Variants in ZMAT4 observed in about 807,000 individuals in gnomAD.
The protein encoded by ZMAT4 is zinc finger matrin-type 4.
A neutral mutation model predicts 28.7 loss-of-function variants in ZMAT4; 17 were observed. The ratio of observed to expected loss-of-function variants is 0.59; its 90% confidence interval spans 0.41 to 0.89. The LOEUF (loss-of-function observed/expected upper bound fraction) is 0.89. Among genes scored for constraint, ZMAT4 ranks in the 40% least tolerant of loss-of-function variants. The pLI is 0.00. For missense variants in ZMAT4, 240 were observed against 283.8 expected, an observed-to-expected ratio of 0.85 and a Z score of 1.11; for synonymous variants, 117 against 109.2, an observed-to-expected ratio of 1.07 and a Z score of -0.44.
chr8:40,626,307 T>A lies in ZMAT4; in HGVS notation c.578-45046A>T, dbSNP rs1340677160. Among the ~76,000 whole-genome samples the A allele has an allele frequency of 2.0e-5, 3 of 152,094 alleles. No homozygotes were observed. The East Asian group carries it at 5.8e-4, about 29-fold the overall frequency. Reference sequence around the variant, plus strand: ...TAGTGAGGAGAAAACCAGCTAAGTGTGGCATCTCAGAAACCAATAGGAAAT... The same window carrying A: ...TAGTGAGGAGAAAACCAGCTAAGTGAGGCATCTCAGAAACCAATAGGAAAT... On this transcript the variant is annotated intron_variant, in intron 5 of 6. Transcript: ENST00000297737.
intron 1 of ZMAT4, among the ~76,000 whole-genome samples, chr8:40,864,821 A>C (rs575199397): frequency 1.3e-5 from 2 of 152,216 alleles, no homozygotes; most frequent in Non-Finnish European, 2.9e-5. Context: ...AACCTGAACT[A>C]TATGTCATAA....
chr8:40,607,336 T>C (rs774861123), intron 5 of ZMAT4, among the ~76,000 whole-genome samples: 8 of 152,040 alleles, frequency 5.3e-5, no homozygotes, highest in Non-Finnish European at 1.0e-4. Context: ...TTTCACCGTG[T>C]TAGCCAGGAT....
At chr8:40,596,517 A>C (rs1167519292) in intron 5 of ZMAT4, among the ~76,000 whole-genome samples, 1 of 152,086 alleles carries the variant, frequency 6.6e-6, no homozygotes, top group Non-Finnish European at 1.5e-5. Flanking sequence ...TTTTTTTGTG[A>C]AAAATGAGGA....
chr8:40,727,740 A>G (rs1006275911), intron 3 of ZMAT4, among the ~76,000 whole-genome samples: 6 of 152,206 alleles, frequency 3.9e-5, no homozygotes, highest in Non-Finnish European at 8.8e-5. Flanking sequence ...AACACCTTCT[A>G]TTTTAGACAT....
Position 40,767,731 on chromosome 8 carries a change from C to G in ZMAT4, c.103-1G>C. The G allele has an allele frequency of 1.2e-6, 2 of 1,611,070 alleles. No homozygotes were observed. The highest frequency in any genetic ancestry group is 1.7e-6 in the Non-Finnish European group (2 of 1,178,962). On this transcript the variant is annotated splice_acceptor_variant, in intron 2 of 6. Coordinates refer to ENST00000297737, the MANE Select transcript of ZMAT4 (RefSeq NM_024645.3). LOFTEE classifies it high-confidence loss of function. Reference sequence around the variant, plus strand: ...GGACTTTGCTTGCATGTTTTCGACTCTGGGAAGGAAAAGCATAAGCAGATA... The same window carrying G: ...GGACTTTGCTTGCATGTTTTCGACTGTGGGAAGGAAAAGCATAAGCAGATA...
At chr8:40,808,689 A>G (rs1259688267) in intron 2 of ZMAT4, 1 of 334,462 alleles carries the variant, frequency 3.0e-6, no homozygotes, top group Non-Finnish European at 6.0e-6. Flanking sequence ...AGAGAGGGAA[A>G]GAGCAGGCAA....
intron 5 of ZMAT4, among the ~76,000 whole-genome samples, chr8:40,583,993 G>A (rs761773640): frequency 6.6e-6 from 1 of 152,164 alleles, no homozygotes; most frequent in Non-Finnish European, 1.5e-5. Context: ...CTTTGTCCAC[G>A]AGGAATTTCC....
At chr8:40,596,166 G>A (rs964897588) in intron 5 of ZMAT4, among the ~76,000 whole-genome samples, 1 of 152,104 alleles carries the variant, frequency 6.6e-6, no homozygotes, top group African/African-American at 2.4e-5. Flanking sequence ...GGCACCTACT[G>A]TAATTGAAGC....
intron 5 of ZMAT4, among the ~76,000 whole-genome samples, chr8:40,584,229 A>T (rs180956556): frequency 2.8e-4 from 42 of 152,270 alleles, no homozygotes; most frequent in African/African-American, 9.9e-4. Context: ...CCTACCAAGT[A>T]AACTTCCATT....
intron 5 of ZMAT4, among the ~76,000 whole-genome samples, chr8:40,617,476 G>A (rs1806051560): frequency 6.6e-6 from 1 of 152,142 alleles, no homozygotes; most frequent in Non-Finnish European, 1.5e-5. Flanking sequence ...TAGTAGCAGA[G>A]GCAGCTTCTA....
At chr8:40,817,737 G>A (rs866328186) in intron 2 of ZMAT4, among the ~76,000 whole-genome samples, 2 of 152,214 alleles carry the variant, frequency 1.3e-5, no homozygotes, top group Middle Eastern at 3.2e-3. Flanking sequence ...TGAAATGTGA[G>A]CTGAATACAG....
intron 2 of ZMAT4, among the ~76,000 whole-genome samples, chr8:40,793,736 G>A (rs1024062048): frequency 4.6e-5 from 7 of 152,174 alleles, no homozygotes; most frequent in East Asian, 1.9e-4. Flanking sequence ...TATCTATGTC[G>A]TTTGTCTAAG....
intron 6 of ZMAT4, among the ~76,000 whole-genome samples, chr8:40,537,207 G>T (rs1049186514): frequency 1.3e-5 from 2 of 152,154 alleles, no homozygotes; most frequent in African/African-American, 4.8e-5. Context: ...GACCCTAACA[G>T]GTTATAGACT....
At chr8:40,690,988 T>C in intron 4 of ZMAT4, 6 of 929,896 alleles carry the variant, frequency 6.5e-6, no homozygotes, top group Non-Finnish European at 7.7e-6. Context: ...TAAATATCTG[T>C]CTTTGTTGCT....
intron 3 of ZMAT4, among the ~76,000 whole-genome samples, chr8:40,762,801 C>T (rs960004042): frequency 1.3e-5 from 2 of 152,202 alleles, no homozygotes; most frequent in African/African-American, 2.4e-5. Context: ...CTGCCCATGC[C>T]TCAATTTCAC....
chr8:40,699,675 T>G (rs955748469), intron 3 of ZMAT4, among the ~76,000 whole-genome samples: 1 of 152,140 alleles, frequency 6.6e-6, no homozygotes, highest in Admixed American at 6.5e-5. Context: ...TACCCTTTTT[T>G]AAAAAGGAAG....
At chr8:40,845,387 T>C (rs1816848287) in intron 1 of ZMAT4, among the ~76,000 whole-genome samples, 1 of 152,118 alleles carries the variant, frequency 6.6e-6, no homozygotes, top group Non-Finnish European at 1.5e-5. Context: ...GGACAAAAAG[T>C]TAGAAGTTAT....
intron 2 of ZMAT4, among the ~76,000 whole-genome samples, chr8:40,792,114 CA>C (rs534142640): frequency 1.3e-5 from 2 of 152,010 alleles, no homozygotes; most frequent in Non-Finnish European, 2.9e-5. Context: ...TCCTTACCTA[CA>C]AAAAAATCCT....
intron 3 of ZMAT4, among the ~76,000 whole-genome samples, chr8:40,735,207 A>G (rs953108593): frequency 6.6e-6 from 1 of 152,260 alleles, no homozygotes; most frequent in Non-Finnish European, 1.5e-5. Context: ...TTTGGTGGTA[A>G]TACATCTGCA....
Sources: gnomAD v4.1 joint callset for allele counts (sites outside exome capture counted in the v4.1 genomes callset) on GRCh38, gnomAD v4.1.1 for gene constraint, MANE v1.5 for transcripts, NCBI Gene and HGNC (gene_info 2026-07-23, HGNC 2026-07-21) for gene names.